WDR49: variants seen among roughly 807,000 people sequenced by gnomAD.
The protein encoded by WDR49 is cilia- and flagella-associated protein 337.
Under a neutral mutation model 119.5 loss-of-function variants are expected in WDR49, and 107 were observed. The observed-to-expected ratio is 0.90, with a 90% CI of 0.77 to 1.05. The LOEUF (loss-of-function observed/expected upper bound fraction) is 1.05, where lower values mean the gene tolerates loss of function less well. Among genes scored for constraint, WDR49 ranks in the 50% least tolerant of loss-of-function variants. The pLI is 0.00. For missense variants in WDR49, 1,240 were observed against 1,220.5 expected, an observed-to-expected ratio of 1.02 and a Z score of -0.24; for synonymous variants, 425 against 418.8, an observed-to-expected ratio of 1.01 and a Z score of -0.18.
intron 5 of WDR49, among the ~76,000 whole-genome samples, chr3:167,611,943 T>C (rs1331452836): frequency 6.6e-6 from 1 of 151,980 alleles, no homozygotes; most frequent in South Asian, 2.1e-4. Flanking sequence ...GGAAAGAAAA[T>C]CAACAAACGT....
At chr3:167,490,278 T>A (rs1015964925) in intron 18 of WDR49, among the ~76,000 whole-genome samples, 1 of 152,136 alleles carries the variant, frequency 6.6e-6, no homozygotes, top group African/African-American at 2.4e-5. Flanking sequence ...GACTTCTGTT[T>A]TATAGACCCA....
At chr3:167,486,237 A>G (rs1577190144) in intron 18 of WDR49, among the ~76,000 whole-genome samples, 1 of 152,282 alleles carries the variant, frequency 6.6e-6, no homozygotes, top group East Asian at 1.9e-4. Context: ...CGTAATTACA[A>G]GAGTCTCTTA....
intron 8 of WDR49, chr3:167,575,058 G>A: frequency 1.0e-6 from 1 of 985,388 alleles, no homozygotes; most frequent in South Asian, 4.7e-5. Context: ...TGTGAATGCA[G>A]AAGCTTCTGC....
intron 17 of WDR49, among the ~76,000 whole-genome samples, chr3:167,501,544 T>C (rs1751568811): frequency 6.6e-6 from 1 of 152,200 alleles, no homozygotes; most frequent in South Asian, 2.1e-4. Context: ...CAAATAATTA[T>C]GCACCATTTT....
At chr3:167,576,174 A>G in intron 7 of WDR49, 23 bp from the exon 8 acceptor site, 1 of 1,596,746 alleles carries the variant, frequency 6.3e-7, no homozygotes, top group South Asian at 1.1e-5. Flanking sequence ...TGATAAAATC[A>G]TTTCAATATG....
intron 10 of WDR49, among the ~76,000 whole-genome samples, chr3:167,540,720 T>A (rs1372417501): frequency 7.1e-6 from 1 of 141,544 alleles, no homozygotes; most frequent in African/African-American, 2.5e-5. Context: ...AATTGTCAAA[T>A]AAACAATTCA....
chr3:167,577,390 A>G (rs1714303675), intron 7 of WDR49, among the ~76,000 whole-genome samples: 1 of 152,178 alleles, frequency 6.6e-6, no homozygotes, highest in Non-Finnish European at 1.5e-5. Flanking sequence ...AAAAACATGT[A>G]GAATGTATCT....
chr3:167,533,331 T>C (rs1752915587), intron 11 of WDR49, among the ~76,000 whole-genome samples: 1 of 152,160 alleles, frequency 6.6e-6, no homozygotes, highest in South Asian at 2.1e-4. Flanking sequence ...CTCTGCTTGA[T>C]GCTGCAATTT....
At chr3:167,541,508 C>T (rs1407607224) in intron 10 of WDR49, among the ~76,000 whole-genome samples, 1 of 151,966 alleles carries the variant, frequency 6.6e-6, no homozygotes, top group Non-Finnish European at 1.5e-5. Context: ...TAACAACTAC[C>T]AAGCCAGCAC....
intron 7 of WDR49, among the ~76,000 whole-genome samples, chr3:167,588,950 C>T (rs775502460): frequency 6.6e-6 from 1 of 151,462 alleles, no homozygotes; most frequent in Non-Finnish European, 1.5e-5. Flanking sequence ...AATGTGATCC[C>T]ACTCATCCAT....
chr3:167,503,355 C>T (rs1379352465), intron 17 of WDR49, among the ~76,000 whole-genome samples: 5 of 152,206 alleles, frequency 3.3e-5, no homozygotes, highest in African/African-American at 1.2e-4. Context: ...GTCCTTGCTC[C>T]CAGAGCTCCC....
chr3:167,500,341 G>A (rs183184282), intron 17 of WDR49, 42 bp from the exon 18 acceptor site: 4 of 1,592,220 alleles, frequency 2.5e-6, no homozygotes, highest in Admixed American at 1.9e-5. Flanking sequence ...GGAGAAAAAG[G>A]GTACAATATC....
intron 8 of WDR49, among the ~76,000 whole-genome samples, chr3:167,565,785 A>G (rs1021796721): frequency 1.3e-5 from 2 of 152,180 alleles, no homozygotes; most frequent in Non-Finnish European, 2.9e-5. Context: ...ACAGAGATTC[A>G]AAACAATCCA....
Position 167,530,973 on chromosome 3 carries a change from G to C in WDR49, c.2218+142C>G, listed in dbSNP as rs1400134535. 6 of 798,566 alleles carry C rather than the reference G, an allele frequency of 7.5e-6. No homozygotes were observed. In the East Asian group the frequency reaches 1.4e-4, roughly 19 times the overall value. The allele number at this position is 798,566 out of a possible 1,614,324, so 49.5% of individuals were successfully genotyped here. Reference sequence around the variant, plus strand: ...ATCCTCCTCAATTCCAACTTCCTTTGCCATGGTCTGTGACCTCACTTGACA... The same window carrying C: ...ATCCTCCTCAATTCCAACTTCCTTTCCCATGGTCTGTGACCTCACTTGACA... On this transcript the variant is annotated intron_variant, in intron 13 of 18. Transcript: ENST00000682715.
At chr3:167,484,362 G>A (rs942303211) in intron 18 of WDR49, among the ~76,000 whole-genome samples, 24 of 151,956 alleles carry the variant, frequency 1.6e-4, no homozygotes, top group African/African-American at 5.8e-4. Context: ...GAGTTAATGG[G>A]TGCAGCACAC....
chr3:167,633,366 A>G (rs1259044005), intron 2 of WDR49: 1 of 438,116 alleles, frequency 2.3e-6, no homozygotes, highest in Non-Finnish European at 4.6e-6. Context: ...AAAGGCACAA[A>G]TAGAAAGCTG....
chr3:167,638,066 TGAAAGTAATAA>T (rs1412243465), intron 2 of WDR49, among the ~76,000 whole-genome samples: 1 of 151,640 alleles, frequency 6.6e-6, no homozygotes, highest in African/African-American at 2.4e-5. Context: ...TTTAGGTTAT[TGAAAGTAATAA>T]GAAAGTAATA....
intron 2 of WDR49, among the ~76,000 whole-genome samples, chr3:167,641,792 A>G (rs541524869): frequency 6.6e-6 from 1 of 152,010 alleles, no homozygotes; most frequent in Non-Finnish European, 1.5e-5. Context: ...ACCAAACTAC[A>G]TTTAACAAAA....
At chr3:167,643,151 C>T (rs1717960833) in intron 2 of WDR49, among the ~76,000 whole-genome samples, 1 of 151,982 alleles carries the variant, frequency 6.6e-6, no homozygotes, top group African/African-American at 2.4e-5. Flanking sequence ...AGAATACTCA[C>T]AATATAGTAT....
Sources: gnomAD v4.1 joint callset for allele counts (sites outside exome capture counted in the v4.1 genomes callset) on GRCh38, gnomAD v4.1.1 for gene constraint, MANE v1.5 for transcripts, NCBI Gene and HGNC (gene_info 2026-07-23, HGNC 2026-07-21) for gene names.